ENTREP2: variants seen among roughly 807,000 people sequenced by gnomAD.
ENTREP2 encodes endosomal transmembrane epsin interactor 2.
the ENTREP2 span, among the ~76,000 whole-genome samples, chr15:29,559,196 G>A: frequency 2.0e-5 from 3 of 152,112 alleles, no homozygotes; most frequent in Non-Finnish European, 2.9e-5. Context: ...ATTAGTTCTT[G>A]TGATCGATCC....
the ENTREP2 span, among the ~76,000 whole-genome samples, chr15:29,213,076 G>A: frequency 6.6e-6 from 1 of 152,112 alleles, no homozygotes. Context: ...GTTTTTGTCA[G>A]GTTTGTCAAA....
the ENTREP2 span, among the ~76,000 whole-genome samples, chr15:29,430,432 G>GT: frequency 6.6e-6 from 1 of 152,188 alleles, no homozygotes; most frequent in Non-Finnish European, 1.5e-5. Flanking sequence ...CTCCAAAGCA[G>GT]TATCTCCAGC....
chr15:29,125,081 C>T, the ENTREP2 span, among the ~76,000 whole-genome samples: 26 of 152,286 alleles, frequency 1.7e-4, no homozygotes, highest in Middle Eastern at 3.4e-3. Flanking sequence ...GTGCCTGCGG[C>T]GTGCACATCA....
chr15:29,214,026 A>C, the ENTREP2 span, among the ~76,000 whole-genome samples: 964 of 131,916 alleles, frequency 7.3e-3, 2 homozygotes, highest in Non-Finnish European at 0.013. Context: ...GATCATTAAA[A>C]ATTCAGGAAA....
At chr15:29,195,978 C>T in the ENTREP2 span, among the ~76,000 whole-genome samples, 1 of 152,082 alleles carries the variant, frequency 6.6e-6, no homozygotes, top group East Asian at 1.9e-4. Flanking sequence ...ACAATTTTTC[C>T]AAATCACTTT....
chr15:29,573,551 C>T, the ENTREP2 span, among the ~76,000 whole-genome samples: 5 of 152,106 alleles, frequency 3.3e-5, no homozygotes, highest in African/African-American at 1.2e-4. Flanking sequence ...ATGGTTAAAA[C>T]GGAACTTCCT....
At chr15:29,215,064 GCTGT>G in the ENTREP2 span, among the ~76,000 whole-genome samples, 3 of 152,106 alleles carry the variant, frequency 2.0e-5, no homozygotes, top group African/African-American at 7.2e-5. Context: ...TTACTGTGTT[GCTGT>G]CTATCTCATT....
chr15:29,502,849 G>T, the ENTREP2 span, among the ~76,000 whole-genome samples: 1 of 151,980 alleles, frequency 6.6e-6, no homozygotes, highest in Non-Finnish European at 1.5e-5. Context: ...GATCTTTAGG[G>T]AAGTTCAATA....
chr15:29,637,783 G>T, the ENTREP2 span, among the ~76,000 whole-genome samples: 1 of 152,196 alleles, frequency 6.6e-6, no homozygotes, highest in African/African-American at 2.4e-5. Context: ...AGCTAGAGAA[G>T]AGAAGGTATG....
At chr15:29,280,119 A>T in the ENTREP2 span, among the ~76,000 whole-genome samples, 4 of 152,338 alleles carry the variant, frequency 2.6e-5, no homozygotes, top group Middle Eastern at 3.4e-3. Context: ...AGTACCCATG[A>T]TTAAAAACAA....
the ENTREP2 span, among the ~76,000 whole-genome samples, chr15:29,445,098 T>C: frequency 6.6e-6 from 1 of 152,212 alleles, no homozygotes; most frequent in African/African-American, 2.4e-5. Flanking sequence ...ATTCCTATGT[T>C]GAAATCCTAA....
At chr15:29,349,635 C>A in the ENTREP2 span, among the ~76,000 whole-genome samples, 1 of 152,134 alleles carries the variant, frequency 6.6e-6, no homozygotes, top group Non-Finnish European at 1.5e-5. Flanking sequence ...GCACACTAAC[C>A]TTTAATAAAT....
the ENTREP2 span, among the ~76,000 whole-genome samples, chr15:29,191,037 A>G: frequency 6.6e-6 from 1 of 152,314 alleles, no homozygotes; most frequent in African/African-American, 2.4e-5. Context: ...CCAATGGCCC[A>G]TATTTGTTCT....
the ENTREP2 span, among the ~76,000 whole-genome samples, chr15:29,541,627 C>A: frequency 6.6e-6 from 1 of 152,030 alleles, no homozygotes; most frequent in African/African-American, 2.4e-5. Flanking sequence ...GAATCTCACA[C>A]CCTTGTCTTA....
At chr15:29,138,874 G>A in the ENTREP2 span, among the ~76,000 whole-genome samples, 1 of 152,002 alleles carries the variant, frequency 6.6e-6, no homozygotes, top group East Asian at 1.9e-4. Context: ...AAGATTGGTG[G>A]GATTTCATCT....
chr15:29,269,229 C>G, the ENTREP2 span: 4 of 1,614,158 alleles, frequency 2.5e-6, no homozygotes, highest in Non-Finnish European at 3.4e-6. Flanking sequence ...CCTCCACAGG[C>G]TCCAGGGTGT....
chr15:29,385,210 G>T, the ENTREP2 span, among the ~76,000 whole-genome samples: 2 of 152,126 alleles, frequency 1.3e-5, no homozygotes, highest in Admixed American at 6.5e-5. Flanking sequence ...AATTTCACTG[G>T]AAGTACATAA....
chr15:29,536,248 C>A, the ENTREP2 span, among the ~76,000 whole-genome samples: 2 of 152,158 alleles, frequency 1.3e-5, no homozygotes, highest in Non-Finnish European at 2.9e-5. Context: ...AACCCCTCTT[C>A]TTTTGTGTAC....
chr15:29,232,960 T>TA, the ENTREP2 span, among the ~76,000 whole-genome samples: 1 of 152,248 alleles, frequency 6.6e-6, no homozygotes, highest in East Asian at 1.9e-4. Flanking sequence ...TAACCCTAAA[T>TA]AGCCTTTTTA....
Sources: gnomAD v4.1 joint callset for allele counts (sites outside exome capture counted in the v4.1 genomes callset) on GRCh38, gnomAD v4.1.1 for gene constraint, MANE v1.5 for transcripts, NCBI Gene and HGNC (gene_info 2026-07-23, HGNC 2026-07-21) for gene names.